PHF20: variants seen among roughly 807,000 people sequenced by gnomAD.
PHF20 encodes PHD finger protein 20.
PHF20 carries 23 observed loss-of-function variants against 113.5 expected under a neutral mutation model. That is an observed-to-expected ratio of 0.20 (90% confidence interval 0.15 to 0.29). PHF20 has a LOEUF of 0.29. Ranked by LOEUF, PHF20 falls within the 10% of genes least tolerant of loss-of-function variation. PHF20 has a pLI of 1.00. For missense variants in PHF20, 943 were observed against 1,219.6 expected (o/e 0.77, Z 3.38); for synonymous variants, 434 against 457.3 (o/e 0.95, Z 0.65).
intron 2 of PHF20, among the ~76,000 whole-genome samples, chr20:35,837,991 T>C (rs767314828): frequency 6.6e-6 from 1 of 152,170 alleles, no homozygotes; most frequent in Non-Finnish European, 1.5e-5. Context: ...TGGCTACTAT[T>C]GAGCCTCTTG....
intron 13 of PHF20, among the ~76,000 whole-genome samples, chr20:35,919,584 T>C (rs2147094860): frequency 6.6e-6 from 1 of 152,258 alleles, no homozygotes; most frequent in African/African-American, 2.4e-5. Flanking sequence ...GTGATCTGCA[T>C]GGCATGGATT....
At chr20:35,784,354 A>AT (rs548755818) in intron 1 of PHF20, among the ~76,000 whole-genome samples, 3 of 143,182 alleles carry the variant, frequency 2.1e-5, no homozygotes, top group African/African-American at 5.2e-5. Flanking sequence ...ACCCGGCCAC[A>AT]TTTTTTTTCC....
At chr20:35,812,433 A>T (rs1277995105) in intron 2 of PHF20, among the ~76,000 whole-genome samples, 4 of 152,264 alleles carry the variant, frequency 2.6e-5, no homozygotes, top group African/African-American at 9.6e-5. Flanking sequence ...AAATAAAAAA[A>T]TTTTTCCCCT....
At chr20:35,912,278 A>G (rs117024117) in intron 10 of PHF20, among the ~76,000 whole-genome samples, 154 of 152,094 alleles carry the variant, frequency 1.0e-3, no homozygotes, top group Admixed American at 2.1e-3. Flanking sequence ...GCACCCAGCA[A>G]TGACTGGATT....
intron 1 of PHF20, among the ~76,000 whole-genome samples, chr20:35,795,190 T>TAA (rs112803709): frequency 8.1e-5 from 11 of 135,008 alleles, no homozygotes; most frequent in Admixed American, 3.0e-4. Context: ...GACTCTGTCT[T>TAA]AAAAAAAAAA....
chr20:35,892,933 A>G (rs542573813), intron 9 of PHF20, among the ~76,000 whole-genome samples: 1 of 152,338 alleles, frequency 6.6e-6, no homozygotes, highest in South Asian at 2.1e-4. Context: ...TGTTTATTCC[A>G]TCAGAGAAAA....
In PHF20 at chr20:35,847,390, A is replaced by G; in HGVS notation, c.296A>G (p.Asp99Gly). Residue 99 changes from aspartate to glycine, a missense_variant, in exon 4 of 18, where the codon GAT becomes GGT. Physicochemically the swap from Asp to Gly is moderately conservative, Grantham distance 94. Around this residue, in one of 3 missense-constraint regions of PHF20, gnomAD observed 592 missense variants for 787.2 expected, o/e 0.75. Transcript: ENST00000374012. ...INEQVLACWS[D>G]CRFYPAKVTA... ...GAGCAGGTCCTTGCTTGCTGGTCTG[A>G]TTGTCGTTTTTACCCGGCCAAAGTC... The G allele has an allele frequency of 6.2e-7, 1 of 1,608,070 alleles. No individual in the cohort carries two copies. The highest frequency in any genetic ancestry group is 8.5e-7 in the Non-Finnish European group (1 of 1,177,980).
At chr20:35,859,155 A>G (rs2146965622) in intron 5 of PHF20, among the ~76,000 whole-genome samples, 1 of 152,286 alleles carries the variant, frequency 6.6e-6, no homozygotes, top group African/African-American at 2.4e-5. Flanking sequence ...CACTTGTGCT[A>G]GATGTGCCTG....
At chr20:35,936,039 T>TGG (rs1379751320) in intron 15 of PHF20, among the ~76,000 whole-genome samples, 6 of 152,138 alleles carry the variant, frequency 3.9e-5, no homozygotes, top group Non-Finnish European at 8.8e-5. Context: ...TACAAGGAAA[T>TGG]GGCAGGGTCA....
At chr20:35,922,739 T>G (rs578147043) in intron 13 of PHF20, among the ~76,000 whole-genome samples, 2 of 152,370 alleles carry the variant, frequency 1.3e-5, no homozygotes, top group East Asian at 1.9e-4. Flanking sequence ...AGATAATAAA[T>G]TTTTAGGTTT....
intron 10 of PHF20, among the ~76,000 whole-genome samples, chr20:35,900,893 T>C (rs1220652809): frequency 6.6e-6 from 1 of 152,106 alleles, no homozygotes; most frequent in East Asian, 1.9e-4. Flanking sequence ...GTTCTGCTTA[T>C]ATAAAGTTCA....
At chr20:35,839,133 G>A (rs953470040) in intron 2 of PHF20, among the ~76,000 whole-genome samples, 37 of 152,008 alleles carry the variant, frequency 2.4e-4, no homozygotes, top group African/African-American at 8.5e-4. Flanking sequence ...GCTCACACCT[G>A]TAGTACCAGC....
chr20:35,772,126 C>A (rs1194221149), intron 1 of PHF20, 47 bp downstream of exon 1: 2 of 149,528 alleles, frequency 1.3e-5, no homozygotes, highest in East Asian at 3.9e-4. Context: ...CGGGTTGGGC[C>A]GGGCCCGCGC....
intron 10 of PHF20, among the ~76,000 whole-genome samples, chr20:35,901,413 T>TA (rs34044539): frequency 0.097 from 10,005 of 102,900 alleles, 485 homozygotes; most frequent in African/African-American, 0.15. Context: ...AAACTCTGTC[T>TA]AAAAAAAAAA....
intron 4 of PHF20, among the ~76,000 whole-genome samples, chr20:35,852,757 C>G (rs1238592493): frequency 6.6e-6 from 1 of 151,792 alleles, no homozygotes; most frequent in Non-Finnish European, 1.5e-5. Context: ...TGCCACCACG[C>G]CTGGCTAATA....
chr20:35,913,103 C>T (rs569073398), intron 10 of PHF20, 146 bp from the exon 11 acceptor site: 2 of 578,384 alleles, frequency 3.5e-6, no homozygotes, highest in East Asian at 3.1e-5. Flanking sequence ...GTGATGGAGG[C>T]GTGGCTCTGC....
At chr20:35,817,234 T>A (rs530130251) in intron 2 of PHF20, among the ~76,000 whole-genome samples, 2 of 152,146 alleles carry the variant, frequency 1.3e-5, no homozygotes, top group South Asian at 4.2e-4. Flanking sequence ...TCACCCAGGC[T>A]GGAGTGCAAT....
rs569270115 is a variant in PHF20, at chr20:35,837,384, C to T, written c.84-5189C>T. 5.9e-5 allele frequency among the ~76,000 whole-genome samples: 9 copies of T among 152,222 alleles called. No individual in the cohort carries two copies. The South Asian group carries it at 1.7e-3, about 28-fold the overall frequency. ...TCTGCCCCTTTCTGGCCAGTATTCC[C>T]GCTGGTTGGAAATGTAACTCCCAGC... On this transcript the variant is annotated intron_variant, in intron 2 of 17. Transcript: ENST00000374012.
intron 12 of PHF20, chr20:35,917,148 A>G (rs2055418466): frequency 5.1e-6 from 2 of 395,516 alleles, no homozygotes; most frequent in African/African-American, 2.1e-5. Context: ...GCTGAAGAAC[A>G]TGTTAGAGTT....
Sources: gnomAD v4.1 joint callset for allele counts (sites outside exome capture counted in the v4.1 genomes callset) on GRCh38, gnomAD v4.1.1 for gene constraint, gnomAD v4.1.1 regional missense constraint, MANE v1.5 for transcripts, NCBI Gene and HGNC (gene_info 2026-07-23, HGNC 2026-07-21) for gene names.